The following NRG3 variants were observed in gnomAD, a reference collection of about 807,000 sequenced individuals.
The protein encoded by NRG3 is pro-neuregulin-3, membrane-bound isoform.
A neutral mutation model predicts 66.9 loss-of-function variants in NRG3; 31 were observed. The observed-to-expected ratio is 0.46, with a 90% CI of 0.35 to 0.63. The LOEUF is 0.63. Ranked by LOEUF, NRG3 falls within the 20% of genes least tolerant of loss-of-function variation. The pLI is 0.00. For synonymous variants in NRG3, 393 were observed against 359.4 expected (o/e 1.09, Z -1.06); for missense variants, 910 against 878.9 (o/e 1.04, Z -0.45).
At chr10:82,567,651 A>G (rs1295057712) in intron 2 of NRG3, among the ~76,000 whole-genome samples, 1 of 151,946 alleles carries the variant, frequency 6.6e-6, no homozygotes, top group East Asian at 1.9e-4. Context: ...CTCATATGCA[A>G]GATATTTCTG....
At chr10:82,328,476 C>T (rs2081981203) in intron 1 of NRG3, among the ~76,000 whole-genome samples, 1 of 152,088 alleles carries the variant, frequency 6.6e-6, no homozygotes. Context: ...TTAGCATAGC[C>T]ATCATAATTC....
At chr10:82,867,882 G>A (rs1340627201) in intron 4 of NRG3, among the ~76,000 whole-genome samples, 2 of 152,054 alleles carry the variant, frequency 1.3e-5, no homozygotes, top group African/African-American at 2.4e-5. Flanking sequence ...CTCCTCATTC[G>A]CTAATGATGG....
At chr10:82,330,624 G>A (rs1383602668) in intron 1 of NRG3, among the ~76,000 whole-genome samples, 1 of 152,122 alleles carries the variant, frequency 6.6e-6, no homozygotes, top group East Asian at 1.9e-4. Context: ...ATTCCATGTG[G>A]AAATATGAGG....
intron 2 of NRG3, among the ~76,000 whole-genome samples, chr10:82,456,107 C>T (rs1231099105): frequency 7.0e-6 from 1 of 143,448 alleles, no homozygotes; most frequent in East Asian, 2.0e-4. Context: ...TATTCTTAAG[C>T]TTTTTACTAT....
intron 2 of NRG3, among the ~76,000 whole-genome samples, chr10:82,371,945 G>T (rs2084921925): frequency 6.6e-6 from 1 of 152,066 alleles, no homozygotes; most frequent in Non-Finnish European, 1.5e-5. Context: ...CTCCCAATAG[G>T]CCCCTCCTCC....
chr10:82,758,471 A>C (rs2059168382), intron 3 of NRG3, among the ~76,000 whole-genome samples: 1 of 152,146 alleles, frequency 6.6e-6, no homozygotes, highest in South Asian at 2.1e-4. Context: ...AAATTCTCTC[A>C]TTTGATAAGA....
chr10:82,782,682 C>G (rs983561826), intron 3 of NRG3, among the ~76,000 whole-genome samples: 1 of 152,034 alleles, frequency 6.6e-6, no homozygotes, highest in Non-Finnish European at 1.5e-5. Flanking sequence ...AAGGGCAATT[C>G]TGGTGAGGGC....
At chr10:82,127,284 G>C (rs772313372) in intron 1 of NRG3, among the ~76,000 whole-genome samples, 6 of 152,252 alleles carry the variant, frequency 3.9e-5, no homozygotes, top group Admixed American at 1.3e-4. Flanking sequence ...TGTGAAGTTA[G>C]TAGTGGAATA....
At chr10:82,668,682 G>A (rs2052998005) in intron 2 of NRG3, among the ~76,000 whole-genome samples, 1 of 152,274 alleles carries the variant, frequency 6.6e-6, no homozygotes, top group East Asian at 1.9e-4. Context: ...GAAGCGTTCT[G>A]AGCCTCCATC....
At chr10:82,722,334 T>A (rs2057364476) in intron 2 of NRG3, among the ~76,000 whole-genome samples, 1 of 152,208 alleles carries the variant, frequency 6.6e-6, no homozygotes, top group South Asian at 2.1e-4. Context: ...AATTTGAATA[T>A]TATATTTTTG....
chr10:82,678,792 G>A (rs1278087350), intron 2 of NRG3, among the ~76,000 whole-genome samples: 1 of 152,176 alleles, frequency 6.6e-6, no homozygotes, highest in Non-Finnish European at 1.5e-5. Flanking sequence ...CTCCAGGACT[G>A]TGGGTTCTGA....
At chr10:82,001,124 G>T (rs2061147427) in intron 1 of NRG3, among the ~76,000 whole-genome samples, 2 of 150,404 alleles carry the variant, frequency 1.3e-5, no homozygotes, top group South Asian at 4.2e-4. Context: ...AATATTTACT[G>T]CCACTATTTG....
intron 1 of NRG3, among the ~76,000 whole-genome samples, chr10:82,071,940 A>C (rs563363412): frequency 1.3e-5 from 2 of 152,334 alleles, no homozygotes; most frequent in South Asian, 4.1e-4. Context: ...ATATGTTTAC[A>C]TGATTCAAAA....
intron 4 of NRG3, among the ~76,000 whole-genome samples, chr10:82,935,275 C>T (rs1266701647): frequency 6.6e-6 from 1 of 152,180 alleles, no homozygotes; most frequent in African/African-American, 2.4e-5. Context: ...CTCCTAGTTA[C>T]TCAGAGGCAT....
intron 1 of NRG3, among the ~76,000 whole-genome samples, chr10:81,915,514 A>G (rs1248564212): frequency 1.6e-5 from 1 of 62,126 alleles, no homozygotes; most frequent in Non-Finnish European, 2.5e-5. Flanking sequence ...TTTTTTTGCC[A>G]AAACACAAGG....
intron 2 of NRG3, among the ~76,000 whole-genome samples, chr10:82,726,215 C>T (rs1223138816): frequency 6.6e-6 from 1 of 152,132 alleles, no homozygotes; most frequent in East Asian, 1.9e-4. Context: ...GTTACAGCAG[C>T]CCAACCTGAT....
intron 2 of NRG3, among the ~76,000 whole-genome samples, chr10:82,587,462 T>C (rs2046739521): frequency 6.6e-6 from 1 of 152,182 alleles, no homozygotes; most frequent in South Asian, 2.1e-4. Context: ...CAGTAAGTTT[T>C]AAGAATGTAA....
At chr10:82,464,225 C>A (rs1284982605) in intron 2 of NRG3, among the ~76,000 whole-genome samples, 1 of 152,112 alleles carries the variant, frequency 6.6e-6, no homozygotes, top group Non-Finnish European at 1.5e-5. Flanking sequence ...AAGATCCAAG[C>A]AGTAGCAAAA....
chr10:82,393,418 G>A (rs1187317334), intron 2 of NRG3, among the ~76,000 whole-genome samples: 1 of 152,144 alleles, frequency 6.6e-6, no homozygotes, highest in South Asian at 2.1e-4. Context: ...TTAGCATTAG[G>A]CTGTTCCAAT....
Sources: allele counts gnomAD v4.1 joint callset (sites outside exome capture counted in the v4.1 genomes callset), GRCh38; gene constraint gnomAD v4.1.1; transcripts MANE v1.5; gene names NCBI Gene and HGNC (gene_info 2026-07-23, HGNC 2026-07-21).